Variants in PDLIM5 observed in about 807,000 individuals in gnomAD.
PDLIM5 encodes PDZ and LIM domain 5.
In PDLIM5, 34 loss-of-function variants were observed where a neutral mutation model predicts 64.2. That is an observed-to-expected ratio of 0.53 (90% CI 0.40 to 0.71). PDLIM5 has a LOEUF of 0.71. Ranked by LOEUF, PDLIM5 falls within the 30% of genes least tolerant of loss-of-function variation. PDLIM5 has a pLI of 0.00. For synonymous variants in PDLIM5, 253 were observed against 269.1 expected (o/e 0.94, Z 0.59); for missense variants, 683 against 733.6 (o/e 0.93, Z 0.80).
At chr4:94,586,932 T>C in intron 7 of PDLIM5, 1 of 1,423,028 alleles carries the variant, frequency 7.0e-7, no homozygotes, top group Non-Finnish European at 9.6e-7. Flanking sequence ...TTTTTCCTTC[T>C]ATTTCTTATG....
At chr4:94,611,193 A>G (rs1738336702) in intron 7 of PDLIM5, 5 of 1,534,866 alleles carry the variant, frequency 3.3e-6, no homozygotes, top group Non-Finnish European at 4.4e-6. Context: ...CCATGTTAAG[A>G]AAACAAGGTA....
At chr4:94,584,460 C>G in intron 5 of PDLIM5, 1 of 152,530 alleles carries the variant, frequency 6.6e-6, no homozygotes, top group East Asian at 1.9e-4. Context: ...ACAGCACTAC[C>G]TTGTATGTGA....
chr4:94,487,649 G>A (rs1202414235), intron 2 of PDLIM5, among the ~76,000 whole-genome samples: 1 of 152,166 alleles, frequency 6.6e-6, no homozygotes, highest in Non-Finnish European at 1.5e-5. Flanking sequence ...ATATTCATTA[G>A]GAATGGAGAC....
At chr4:94,485,849 C>CAAAAAA (rs10637280) in intron 2 of PDLIM5, among the ~76,000 whole-genome samples, 1 of 100,228 alleles carries the variant, frequency 1.0e-5, no homozygotes, top group African/African-American at 3.8e-5. Flanking sequence ...GACTCCGTCT[C>CAAAAAA]AAAAAAAAAA....
chr4:94,478,973 C>T (rs1725598390), intron 2 of PDLIM5, among the ~76,000 whole-genome samples: 1 of 141,866 alleles, frequency 7.0e-6, no homozygotes, highest in Non-Finnish European at 1.5e-5. Flanking sequence ...TATCACAGCT[C>T]ATTGCAGCCT....
chr4:94,610,973 C>A, intron 7 of PDLIM5: 1 of 878,034 alleles, frequency 1.1e-6, no homozygotes, highest in Non-Finnish European at 1.8e-6. Flanking sequence ...CCCTCTCTCT[C>A]GTAAAGGAAA....
At chr4:94,573,811 CTCT>C in intron 4 of PDLIM5, 1 of 177,008 alleles carries the variant, frequency 5.6e-6, no homozygotes, top group South Asian at 1.3e-4. Flanking sequence ...GCAAGTATCC[CTCT>C]TCTTGCATAT....
At chr4:94,555,881 A>G (rs917694442) in intron 3 of PDLIM5, among the ~76,000 whole-genome samples, 3 of 151,170 alleles carry the variant, frequency 2.0e-5, no homozygotes, top group Non-Finnish European at 3.0e-5. Context: ...GGGCAAGTTT[A>G]TTTATTTATT....
chr4:94,459,370 A>G (rs976551064), intron 2 of PDLIM5, among the ~76,000 whole-genome samples: 30 of 152,262 alleles, frequency 2.0e-4, no homozygotes, highest in African/African-American at 7.2e-4. Flanking sequence ...CATCTAAATA[A>G]CAATGACTTT....
intron 5 of PDLIM5, 50 bp downstream of exon 5, chr4:94,576,084 A>G (rs2110286308): frequency 6.8e-7 from 1 of 1,478,106 alleles, no homozygotes; most frequent in Non-Finnish European, 9.3e-7. Context: ...TCTTTCAGGT[A>G]ATTTCCAGGA....
intron 5 of PDLIM5, chr4:94,579,397 T>G (rs1735553517): frequency 2.3e-6 from 1 of 443,866 alleles, no homozygotes; most frequent in Non-Finnish European, 4.1e-6. Context: ...TTATAATAAT[T>G]TTAATTTTGT....
chr4:94,458,432 A>G (rs1304685193), intron 2 of PDLIM5, among the ~76,000 whole-genome samples: 1 of 152,164 alleles, frequency 6.6e-6, no homozygotes, highest in Non-Finnish European at 1.5e-5. Context: ...TAGAGACTTG[A>G]AACATTAAAT....
At chr4:94,618,394 C>T (rs534834928) in intron 8 of PDLIM5, among the ~76,000 whole-genome samples, 75 of 152,208 alleles carry the variant, frequency 4.9e-4, no homozygotes, top group Admixed American at 2.9e-3. Context: ...GATACAGTCG[C>T]ATTTGCTATT....
intron 2 of PDLIM5, among the ~76,000 whole-genome samples, chr4:94,483,284 A>G (rs537193823): frequency 4.6e-5 from 7 of 152,320 alleles, no homozygotes; most frequent in South Asian, 2.1e-4. Flanking sequence ...TTAAAAACAT[A>G]CTAAAACAAA....
At chr4:94,628,937 ATTC>A (rs912019644) in intron 8 of PDLIM5, among the ~76,000 whole-genome samples, 8 of 151,178 alleles carry the variant, frequency 5.3e-5, no homozygotes, top group South Asian at 4.2e-4. Flanking sequence ...TTTCAATTTT[ATTC>A]TTTTTTATTT....
intron 7 of PDLIM5, among the ~76,000 whole-genome samples, chr4:94,605,550 A>G (rs1737843233): frequency 6.6e-6 from 1 of 152,214 alleles, no homozygotes; most frequent in South Asian, 2.1e-4. Flanking sequence ...CCTCCAACCT[A>G]AAAGGAGTAA....
Position 94,586,369 on chromosome 4 carries a change from A to G in PDLIM5, c.884-39A>G, listed in dbSNP as rs112295992. ...TGCTTAAGTGATTTTGAAGTTAAAC[A>G]AAACAAACTAATATTGGATATTGCT... On this transcript the variant is annotated intron_variant, in intron 6 of 12. Transcript: ENST00000317968. The G allele has an allele frequency of 2.8e-3, 3,279 of 1,174,082 alleles. 69 individuals are homozygous for G. The African/African-American group carries it at 0.043, about 15-fold the overall frequency. The allele number at this position is 1,174,082 out of a possible 1,614,324, so 72.7% of individuals were successfully genotyped here.
intron 2 of PDLIM5, among the ~76,000 whole-genome samples, chr4:94,463,924 G>A (rs12507973): frequency 0.016 from 2,508 of 152,272 alleles, 32 homozygotes; most frequent in Admixed American, 0.029. Flanking sequence ...AGAGTGTTCT[G>A]TAGCATAGTG....
At chr4:94,507,185 A>G (rs1356951171) in intron 2 of PDLIM5, among the ~76,000 whole-genome samples, 1 of 151,832 alleles carries the variant, frequency 6.6e-6, no homozygotes, top group East Asian at 1.9e-4. Flanking sequence ...TCATCTTGTG[A>G]TCATGTGAGC....
Sources: gnomAD v4.1 joint callset for allele counts (sites outside exome capture counted in the v4.1 genomes callset) on GRCh38, gnomAD v4.1.1 for gene constraint, MANE v1.5 for transcripts, NCBI Gene and HGNC (gene_info 2026-07-23, HGNC 2026-07-21) for gene names.